ATP8A2: variants seen among roughly 807,000 people sequenced by gnomAD.
ATP8A2 encodes the protein ATPase phospholipid transporting 8A2.
ATP8A2 carries 100 observed loss-of-function variants against 165.6 expected under a neutral mutation model. The observed-to-expected ratio is 0.60, with a 90% CI of 0.51 to 0.71. The LOEUF is 0.71. Among genes scored for constraint, ATP8A2 ranks in the 30% least tolerant of loss-of-function variants. The pLI, the probability that ATP8A2 is intolerant of heterozygous loss-of-function variation, is 0.00. For synonymous variants in ATP8A2, 543 were observed against 548.8 expected, an observed-to-expected ratio of 0.99 and a Z score of 0.15; for missense variants, 1,227 against 1,479.5, an observed-to-expected ratio of 0.83 and a Z score of 2.80.
chr13:25,827,145 T>C (rs1951341747), intron 27 of ATP8A2, among the ~76,000 whole-genome samples: 3 of 152,210 alleles, frequency 2.0e-5, no homozygotes, highest in Admixed American at 6.5e-5. Flanking sequence ...ATCTTGCTCT[T>C]GTCGCCCAGG....
At chr13:25,986,078 A>G (rs1956275878) in intron 35 of ATP8A2, among the ~76,000 whole-genome samples, 1 of 152,028 alleles carries the variant, frequency 6.6e-6, no homozygotes, top group African/African-American at 2.4e-5. Context: ...CTTCAGCTTC[A>G]TTGAGGTATA....
At chr13:25,809,000 C>T (rs1229718018) in intron 27 of ATP8A2, among the ~76,000 whole-genome samples, 3 of 152,184 alleles carry the variant, frequency 2.0e-5, no homozygotes, top group Non-Finnish European at 4.4e-5. Context: ...GCATGAAGGA[C>T]ACATGCACTT....
chr13:26,011,420 C>G (rs7327288), intron 35 of ATP8A2, among the ~76,000 whole-genome samples: 3,910 of 152,204 alleles, frequency 0.026, 162 homozygotes, highest in African/African-American at 0.082. Flanking sequence ...CCTTAATTAC[C>G]ACTTTAAAGG....
chr13:25,745,006 T>C (rs2043999184), intron 25 of ATP8A2, among the ~76,000 whole-genome samples: 1 of 152,116 alleles, frequency 6.6e-6, no homozygotes, highest in Admixed American at 6.5e-5. Flanking sequence ...AGTGGCACGA[T>C]CTTGGCTCAC....
At chr13:25,530,958 G>T (rs1377059139) in intron 4 of ATP8A2, among the ~76,000 whole-genome samples, 2 of 151,970 alleles carry the variant, frequency 1.3e-5, no homozygotes, top group African/African-American at 4.8e-5. Flanking sequence ...GGCAGCAAAT[G>T]AAAGATTGCT....
chr13:25,857,331 T>C (rs549253491), intron 30 of ATP8A2, among the ~76,000 whole-genome samples: 10 of 152,252 alleles, frequency 6.6e-5, no homozygotes, highest in Admixed American at 5.2e-4. Flanking sequence ...GAGCTCCCTA[T>C]CTAAAATAGC....
intron 24 of ATP8A2, among the ~76,000 whole-genome samples, chr13:25,669,865 C>T (rs2042230502): frequency 1.3e-5 from 2 of 152,152 alleles, no homozygotes; most frequent in African/African-American, 4.8e-5. Flanking sequence ...AAACAAGTAC[C>T]AGCCTCTGTG....
At chr13:25,699,912 A>G (rs1368742306) in intron 25 of ATP8A2, among the ~76,000 whole-genome samples, 1 of 151,190 alleles carries the variant, frequency 6.6e-6, no homozygotes, top group Non-Finnish European at 1.5e-5. Context: ...GTGGAGGTCT[A>G]GTTCTGATAG....
At chr13:25,644,901 G>T (rs934732330) in intron 24 of ATP8A2, among the ~76,000 whole-genome samples, 1 of 151,950 alleles carries the variant, frequency 6.6e-6, no homozygotes, top group Non-Finnish European at 1.5e-5. Context: ...TTGTAATATT[G>T]CCTCTTTCAT....
At chr13:25,400,509 GTTAGTA>G in intron 1 of ATP8A2, among the ~76,000 whole-genome samples, 1 of 152,226 alleles carries the variant, frequency 6.6e-6, no homozygotes, top group African/African-American at 2.4e-5. Flanking sequence ...ATTTCTATGT[GTTAGTA>G]TCATTTCAAG....
At chr13:25,563,067 A>G (rs752910602) in intron 15 of ATP8A2, among the ~76,000 whole-genome samples, 1 of 152,096 alleles carries the variant, frequency 6.6e-6, no homozygotes, top group Non-Finnish European at 1.5e-5. Context: ...ACTAACATAC[A>G]CTCTGCTGTC....
intron 4 of ATP8A2, 108 bp from the exon 5 acceptor site, chr13:25,532,164 G>T (rs762800619): frequency 3.6e-6 from 3 of 823,878 alleles, no homozygotes; most frequent in Non-Finnish European, 6.0e-6. Context: ...AGCATTATTG[G>T]CATTTAGTTT....
intron 28 of ATP8A2, among the ~76,000 whole-genome samples, chr13:25,835,702 G>A (rs1172137402): frequency 6.6e-6 from 1 of 152,040 alleles, no homozygotes; most frequent in East Asian, 1.9e-4. Context: ...GCTCCTGCTT[G>A]ATTTTTCTAA....
chr13:25,764,133 T>G (rs1555263032), intron 25 of ATP8A2, among the ~76,000 whole-genome samples: 1 of 152,226 alleles, frequency 6.6e-6, no homozygotes, highest in Non-Finnish European at 1.5e-5. Flanking sequence ...CACTTTATTT[T>G]ATAGTTAAAT....
rs77509283 is a variant in ATP8A2 at position 25,719,704 on chromosome 13, A to G, written c.2384+20359A>G. Among the ~76,000 whole-genome samples the G allele has an allele frequency of 8.8e-3, 1,339 of 152,298 alleles. 25 individuals are homozygous for G. The highest frequency in any genetic ancestry group is 0.03 in the African/African-American group (1,263 of 41,570). ...GCTGAAAAATCATCCCCTGGCAGCA[A>G]GGGTTCTGAAAATGACTAGCCTGTC... On this transcript the variant is annotated intron_variant, in intron 25 of 36. Transcript: ENST00000381655.
At chr13:25,579,713 T>A in intron 21 of ATP8A2, 95 bp from the exon 22 acceptor site, 1 of 1,433,868 alleles carries the variant, frequency 7.0e-7, no homozygotes, top group Non-Finnish European at 9.6e-7. Flanking sequence ...GTCTCTTCAA[T>A]TTTTTTGGGC....
At position 25,382,988 on chromosome 13, in the gene ATP8A2, T is replaced by C. The variant is rs374623107; in HGVS notation, c.76+10700T>C. On this transcript the variant is annotated intron_variant, in intron 1 of 36. Transcript: ENST00000381655. ...GCCAGGATGGTCTCCATCTCCTGACTTCGTGATCTGCCCACCTTGGCCTCC... is the reference window on the plus strand; with the variant it reads ...GCCAGGATGGTCTCCATCTCCTGACCTCGTGATCTGCCCACCTTGGCCTCC... 3.8e-3 allele frequency among the ~76,000 whole-genome samples: 568 copies of C among 150,086 alleles called. 1 individual carries two copies. The highest frequency in any genetic ancestry group is 0.021 in the Middle Eastern group (6 of 284).
Position 25,953,540 on chromosome 13 carries a change from A to G in ATP8A2, c.3184-8035A>G, listed in dbSNP as rs1302609634. ...GCCTTTTTAAAAAAAAAAAAAAAAA[A>G]AAAAAAGCAAGGGAAATAGGCAAGA... On this transcript the variant is annotated intron_variant, in intron 33 of 36. Coordinates refer to ENST00000381655, the MANE Select transcript of ATP8A2 (RefSeq NM_016529.6). This position sits in a 1 kb window ranked among gnomAD's most constrained non-coding sequence, Gnocchi z 6.7. Among the ~76,000 whole-genome samples the G allele has an allele frequency of 1.4e-5, 2 of 141,916 alleles. No homozygotes were observed. Among genetic ancestry groups the G allele is most frequent in the East Asian group, 3.9e-4 (2 of 5,122 alleles). The allele number at this position is 141,916 out of a possible 152,430, so 93.1% of individuals were successfully genotyped here. A position where few individuals can be genotyped will look rare whatever the true frequency, so the allele number is the denominator to read the frequency against.
chr13:25,698,331 C>A (rs1445705985), intron 24 of ATP8A2, among the ~76,000 whole-genome samples: 3 of 151,962 alleles, frequency 2.0e-5, no homozygotes, highest in Non-Finnish European at 4.4e-5. Context: ...AGCGATCCTC[C>A]CACCTCAGCC....
Sources: allele counts gnomAD v4.1 joint callset (sites outside exome capture counted in the v4.1 genomes callset), GRCh38; gene constraint gnomAD v4.1.1; non-coding constraint Gnocchi (gnomAD v3.1); transcripts MANE v1.5; gene names NCBI Gene and HGNC (gene_info 2026-07-23, HGNC 2026-07-21).